TASOR2: variants seen among roughly 807,000 people sequenced by gnomAD.
The protein encoded by TASOR2 is protein TASOR 2.
A neutral mutation model predicts 199.5 loss-of-function variants in TASOR2; 84 were observed. That is an observed-to-expected ratio of 0.42 (90% confidence interval 0.35 to 0.50). The LOEUF is 0.50. Ranked by LOEUF, TASOR2 falls within the 20% of genes least tolerant of loss-of-function variation. TASOR2 has a pLI of 0.02. For missense variants in TASOR2, 2,796 were observed against 2,835.9 expected (o/e 0.99, Z 0.32); for synonymous variants, 1,103 against 1,046.6 (o/e 1.05, Z -1.04).
rs1483620847 is a variant in TASOR2 at position 5,748,481 on chromosome 10, C to T, written c.5060C>T (p.Ala1687Val). The T allele has an allele frequency of 1.6e-5, 26 of 1,613,986 alleles. No individual in the cohort carries two copies. Among genetic ancestry groups the T allele is most frequent in the South Asian group, 3.3e-5 (3 of 91,090 alleles). ...GTGTTTCAAGCACAGGAAATACCAG[C>T]AGGCAGAATGGCCAGTTTGCTTAAG... The change falls in exon 15 of 21, where the codon GCA becomes GTA. Residue 1687 changes from alanine (A) to valine (V), a missense_variant. By Grantham distance (64) the Ala-to-Val change is moderately conservative (BLOSUM62 0). Coordinates refer to ENST00000328090, the Ensembl canonical transcript of TASOR2. This position sits in a 1 kb window ranked among gnomAD's most constrained non-coding sequence, Gnocchi z 5.1.
At chr10:5,703,416 A>AC (rs1468400838) in intron 1 of TASOR2, among the ~76,000 whole-genome samples, 6 of 151,364 alleles carry the variant, frequency 4.0e-5, no homozygotes, top group African/African-American at 1.5e-4. Flanking sequence ...CTAATGTTAC[A>AC]CCTTCCTTCC....
Position 5,750,457 on chromosome 10 carries a change from T to C in TASOR2, c.6606+430T>C, listed in dbSNP as rs1439380949. Among the ~76,000 whole-genome samples, 3 of 152,242 alleles carry C rather than the reference T, an allele frequency of 2.0e-5. No homozygotes were observed. The highest frequency in any genetic ancestry group is 4.4e-5 in the Non-Finnish European group (3 of 68,044). Reference sequence around the variant, plus strand: ...GATAACTGATGTTACGGTGAGTACATGGAGTACATAGTCCTTAAATTTAAG... The same window carrying C: ...GATAACTGATGTTACGGTGAGTACACGGAGTACATAGTCCTTAAATTTAAG... On this transcript the variant is annotated intron_variant, in intron 15 of 20. Coordinates refer to ENST00000328090, the Ensembl canonical transcript of TASOR2. This position sits in a 1 kb window ranked among gnomAD's most constrained non-coding sequence, Gnocchi z 5.4.
At chr10:5,726,926 A>G (rs781123313) in exon 9 of TASOR2, 18 of 1,613,954 alleles carry the variant, frequency 1.1e-5, no homozygotes, top group Non-Finnish European at 1.4e-5. Flanking sequence ...TTTTCATTTT[A>G]CTTACATCAT....
chr10:5,736,516 A>G (rs935253651), intron 12 of TASOR2, among the ~76,000 whole-genome samples: 3 of 152,072 alleles, frequency 2.0e-5, no homozygotes, highest in African/African-American at 7.2e-5. Context: ...CAGCCTCCCA[A>G]AGTGTTAGGA....
At position 5,705,211 on chromosome 10, in the gene TASOR2, A is replaced by G. The variant is rs142671265; in HGVS notation, c.-287-7612A>G. Among the ~76,000 whole-genome samples, 50 of 152,278 alleles carry G rather than the reference A, an allele frequency of 3.3e-4. No homozygotes were observed. The East Asian group carries it at 8.1e-3, about 25-fold the overall frequency. On this transcript the variant is annotated intron_variant, in intron 1 of 20. Coordinates refer to ENST00000328090, the Ensembl canonical transcript of TASOR2. ...AACTAATGAAATGCTTTTTATCACT[A>G]TAGATTAATTTTGCTGCTTCTTGAA...
At chr10:5,712,554 A>G in intron 1 of TASOR2, 7 of 1,231,416 alleles carry the variant, frequency 5.7e-6, no homozygotes, top group Non-Finnish European at 7.1e-6. Flanking sequence ...GGTGCTTGGT[A>G]CACACTATGA....
At chr10:5,753,064 C>A (rs1294289130) in intron 15 of TASOR2, among the ~76,000 whole-genome samples, 1 of 151,492 alleles carries the variant, frequency 6.6e-6, no homozygotes, top group Non-Finnish European at 1.5e-5. Flanking sequence ...TTTTTAAATT[C>A]TTTAAAAACT....
At chr10:5,716,164 G>A (rs975256838) in intron 2 of TASOR2, among the ~76,000 whole-genome samples, 12 of 152,116 alleles carry the variant, frequency 7.9e-5, no homozygotes, top group Admixed American at 6.6e-4. Context: ...CAAACTTACG[G>A]GATCACTGTC....
exon 19 of TASOR2, chr10:5,761,471 G>T: frequency 6.2e-7 from 1 of 1,609,944 alleles, no homozygotes; most frequent in South Asian, 1.1e-5. Context: ...CCTCCTAACA[G>T]GTAATTCACA....
intron 13 of TASOR2, 150 bp from the exon 15 acceptor site, chr10:5,741,947 T>G: frequency 1.5e-6 from 1 of 681,716 alleles, no homozygotes; most frequent in South Asian, 1.9e-5. Flanking sequence ...TTAAGTCAAC[T>G]ACATATTTAC....
chr10:5,702,938 A>G (rs1001807845), intron 1 of TASOR2, among the ~76,000 whole-genome samples: 9 of 152,240 alleles, frequency 5.9e-5, no homozygotes, highest in Admixed American at 3.9e-4. Flanking sequence ...ATTCAATACC[A>G]GAAAATAGTA....
intron 19 of TASOR2, 72 bp downstream of exon 20, chr10:5,761,543 C>A (rs1839837046): frequency 7.4e-7 from 1 of 1,349,860 alleles, no homozygotes. Context: ...AGTTAGATAC[C>A]TGATGAAGAG....
rs149538385 is a variant in TASOR2 at position 5,752,182 on chromosome 10, G to C, written c.6606+2155G>C. On this transcript the variant is annotated intron_variant, in intron 15 of 20. Transcript: ENST00000328090. The surrounding 1 kb of genome is among the most constrained non-coding windows in gnomAD (Gnocchi z 4.4). ...CCTCAGAGCCCCAACATGTGCAGGT[G>C]GGGGGGATGTTGCTTTTTTGTCATG... Among the ~76,000 whole-genome samples the C allele has an allele frequency of 1.7e-3, 264 of 152,248 alleles. 1 individual carries two copies. Among genetic ancestry groups the C allele is most frequent in the Non-Finnish European group, 3.4e-3 (230 of 68,022 alleles).
At chr10:5,714,089 T>G in intron 2 of TASOR2, 46 bp from the exon 3 acceptor site, 1 of 1,065,604 alleles carries the variant, frequency 9.4e-7, no homozygotes, top group Non-Finnish European at 1.2e-6. Flanking sequence ...TTATAGCATT[T>G]TTTCATTGCT....
Position 5,740,303 on chromosome 10 carries a change from T to G in TASOR2, c.2133T>G (p.Pro711=), listed in dbSNP as rs774525769. The G allele has an allele frequency of 6.2e-7, 1 of 1,614,102 alleles. No individual in the cohort carries two copies. The highest frequency in any genetic ancestry group is 1.7e-5 in the Admixed American group (1 of 60,002). The change falls in exon 13 of 21, where the codon CCT becomes CCG. Residue 711 remains proline (P), a synonymous_variant. Coordinates refer to ENST00000328090, the Ensembl canonical transcript of TASOR2. The surrounding 1 kb of genome is among the most constrained non-coding windows in gnomAD (Gnocchi z 5.3). Reference sequence around the variant, plus strand: ...GCCTTTTGCTTCAGCAAAAGCCTCCTGACGACCCCGTGGTGAAGCCCAAGG... The same window carrying G: ...GCCTTTTGCTTCAGCAAAAGCCTCCGGACGACCCCGTGGTGAAGCCCAAGG...
rs1019543660 is a variant in TASOR2 at position 5,731,073 on chromosome 10, G to T, written c.1074G>T (p.Met358Ile). 4 of 1,614,028 alleles carry T rather than the reference G, an allele frequency of 2.5e-6. No individual in the cohort carries two copies. The African/African-American group carries it at 5.3e-5, about 22-fold the overall frequency. The change falls in exon 11 of 21, where the codon ATG (methionine) becomes ATT (isoleucine). Residue 358 changes from methionine (M) to isoleucine (I), a missense_variant. Physicochemically the swap from Met to Ile is conservative, Grantham distance 10. This residue lies in a region of TASOR2 where 847 missense variants were observed against 887.4 expected (regional missense o/e 0.95). Transcript: ENST00000328090. ...AGAGGAAGGCCAGCATGCCCCACATGGTGCAGAGTAAAAAGGTGAACTTGT... is the reference window on the plus strand; with the variant it reads ...AGAGGAAGGCCAGCATGCCCCACATTGTGCAGAGTAAAAAGGTGAACTTGT...
chr10:5,728,400 G>A (rs1321337240), intron 10 of TASOR2, among the ~76,000 whole-genome samples: 2 of 152,112 alleles, frequency 1.3e-5, no homozygotes, highest in Admixed American at 6.5e-5. Context: ...CACTTTGGGA[G>A]GCTGAGGCGG....
chr10:5,707,206 A>G (rs1379971941), intron 1 of TASOR2, among the ~76,000 whole-genome samples: 1 of 152,228 alleles, frequency 6.6e-6, no homozygotes, highest in African/African-American at 2.4e-5. Flanking sequence ...CACAACTGAA[A>G]GGAGCTTTAG....
At chr10:5,733,805 C>T (rs569334092) in intron 11 of TASOR2, among the ~76,000 whole-genome samples, 11 of 151,810 alleles carry the variant, frequency 7.2e-5, no homozygotes, top group Non-Finnish European at 1.6e-4. Context: ...CTTCCCTATG[C>T]TGAAGATTTT....
Sources: gnomAD v4.1 joint callset for allele counts (sites outside exome capture counted in the v4.1 genomes callset) on GRCh38, gnomAD v4.1.1 for gene constraint, gnomAD v4.1.1 regional missense constraint, Gnocchi (gnomAD v3.1) non-coding constraint, MANE v1.5 for transcripts, NCBI Gene and HGNC (gene_info 2026-07-23, HGNC 2026-07-21) for gene names.